Variants in GABRB2 observed in about 807,000 individuals in gnomAD.
GABRB2 encodes gamma-aminobutyric acid type A receptor subunit beta2.
A neutral mutation model predicts 54.7 loss-of-function variants in GABRB2; 16 were observed. The ratio of observed to expected loss-of-function variants is 0.29; its 90% confidence interval spans 0.20 to 0.44. The LOEUF (loss-of-function observed/expected upper bound fraction) is 0.44. GABRB2 is among the 20% of genes least tolerant of loss of function. GABRB2 has a pLI of 1.00. For synonymous variants in GABRB2, 244 were observed against 233.8 expected (o/e 1.04, Z -0.40); for missense variants, 355 against 644.0 (o/e 0.55, Z 4.86).
intron 4 of GABRB2, among the ~76,000 whole-genome samples, chr5:161,439,499 C>A (rs569469753): frequency 1.3e-5 from 2 of 152,168 alleles, no homozygotes; most frequent in African/African-American, 2.4e-5. Context: ...AAGAAAAACA[C>A]AGAATAGTAT....
chr5:161,413,725 A>T (rs1366259500), intron 4 of GABRB2, among the ~76,000 whole-genome samples: 3 of 152,250 alleles, frequency 2.0e-5, no homozygotes, highest in African/African-American at 7.2e-5. Flanking sequence ...CTGTCTTGAG[A>T]AACTAGAGAA....
chr5:161,537,620 T>C (rs1195352218), intron 3 of GABRB2, among the ~76,000 whole-genome samples: 1 of 152,216 alleles, frequency 6.6e-6, no homozygotes, highest in East Asian at 1.9e-4. Flanking sequence ...CTTCCTGAAA[T>C]TTTGCAGTAG....
chr5:161,489,009 C>T (rs1459983970), intron 3 of GABRB2, among the ~76,000 whole-genome samples: 2 of 151,574 alleles, frequency 1.3e-5, no homozygotes, highest in Admixed American at 6.6e-5. Context: ...GAGATGCTTT[C>T]GAAAGAAATG....
intron 4 of GABRB2, among the ~76,000 whole-genome samples, chr5:161,433,625 A>G (rs1757231331): frequency 6.6e-6 from 1 of 151,978 alleles, no homozygotes; most frequent in Non-Finnish European, 1.5e-5. Flanking sequence ...AATAAAAATA[A>G]AAATAAAAGA....
chr5:161,547,316 G>T (rs1385789395), upstream of GABRB2, among the ~76,000 whole-genome samples: 1 of 131,592 alleles, frequency 7.6e-6, no homozygotes. Flanking sequence ...TTGGATTTGG[G>T]GCGGGGGGTT....
At chr5:161,482,255 C>T (rs1192309208) in intron 3 of GABRB2, among the ~76,000 whole-genome samples, 1 of 152,028 alleles carries the variant, frequency 6.6e-6, no homozygotes, top group Non-Finnish European at 1.5e-5. Flanking sequence ...ACCTATGTGC[C>T]TTCTACAAAG....
chr5:161,325,871 AC>A (rs1758346387), intron 9 of GABRB2, among the ~76,000 whole-genome samples: 2 of 152,250 alleles, frequency 1.3e-5, no homozygotes, highest in South Asian at 4.1e-4. Context: ...CCAATACAAT[AC>A]CTATTTGTGA....
rs565921645 is a variant in GABRB2 at position 161,491,084 on chromosome 5, C to T, written c.238-31240G>A. ...CATTATAAAATTAAACTAATACTTA[C>T]CAAATATGCCCATGACAGCAAAATT... On this transcript the variant is annotated intron_variant, in intron 3 of 9. Coordinates refer to ENST00000393959, the MANE Select transcript of GABRB2 (RefSeq NM_001371727.1). Among the ~76,000 whole-genome samples the T allele has an allele frequency of 2.6e-5, 4 of 151,656 alleles. No individual in the cohort carries two copies. In the South Asian group the frequency reaches 8.3e-4, roughly 32 times the overall value.
At chr5:161,298,506 A>C (rs6556546) in intron 9 of GABRB2, among the ~76,000 whole-genome samples, 44,269 of 152,160 alleles carry the variant, frequency 0.29, 9,382 homozygotes, top group African/African-American at 0.57. Flanking sequence ...AATATTTATT[A>C]ATGGAATTAA....
chr5:161,342,142 T>C (rs1754187961), intron 5 of GABRB2, among the ~76,000 whole-genome samples: 1 of 151,636 alleles, frequency 6.6e-6, no homozygotes, highest in African/African-American at 2.4e-5. Flanking sequence ...TCATAACCAA[T>C]TGGCAATCAA....
At chr5:161,465,930 G>T (rs1758264020) in intron 3 of GABRB2, among the ~76,000 whole-genome samples, 1 of 152,018 alleles carries the variant, frequency 6.6e-6, no homozygotes, top group Non-Finnish European at 1.5e-5. Context: ...ATTAACTACA[G>T]ACCTTATTAC....
At chr5:161,419,611 T>C (rs1175610596) in intron 4 of GABRB2, among the ~76,000 whole-genome samples, 1 of 152,266 alleles carries the variant, frequency 6.6e-6, no homozygotes, top group African/African-American at 2.4e-5. Context: ...ATATACACTG[T>C]AGAATGCTAT....
At chr5:161,515,438 T>C (rs904534024) in intron 3 of GABRB2, among the ~76,000 whole-genome samples, 1 of 152,170 alleles carries the variant, frequency 6.6e-6, no homozygotes, top group African/African-American at 2.4e-5. Context: ...ACTGTAGCTA[T>C]GAGAAACTCA....
At chr5:161,486,405 A>G (rs1460824811) in intron 3 of GABRB2, among the ~76,000 whole-genome samples, 1 of 152,002 alleles carries the variant, frequency 6.6e-6, no homozygotes, top group Non-Finnish European at 1.5e-5. Flanking sequence ...CATCTTGCCC[A>G]TTGACTCTAA....
intron 4 of GABRB2, chr5:161,459,331 A>C (rs1758053408): frequency 2.6e-6 from 1 of 379,382 alleles, no homozygotes; most frequent in Non-Finnish European, 4.9e-6. Context: ...ATTTTAAAGA[A>C]ACCCTATGTC....
chr5:161,511,081 T>A (rs1222255997), intron 3 of GABRB2, among the ~76,000 whole-genome samples: 1 of 152,008 alleles, frequency 6.6e-6, no homozygotes, highest in Non-Finnish European at 1.5e-5. Flanking sequence ...TTGCCTATAA[T>A]AATTGAGAAA....
intron 3 of GABRB2, among the ~76,000 whole-genome samples, chr5:161,481,781 C>T (rs1758770981): frequency 6.6e-6 from 1 of 151,918 alleles, no homozygotes; most frequent in Non-Finnish European, 1.5e-5. Context: ...GGTTAATGTG[C>T]TTTCAGGGCT....
Position 161,540,642 on chromosome 5 carries a change from T to C in GABRB2, c.237+4585A>G, listed in dbSNP as rs899423664. Among the ~76,000 whole-genome samples the C allele has an allele frequency of 2.6e-5, 4 of 151,950 alleles. No individual in the cohort carries two copies. In the East Asian group the frequency reaches 7.7e-4, roughly 29 times the overall value. On this transcript the variant is annotated intron_variant, in intron 3 of 9. Transcript: ENST00000393959. ...CTATGGTAACTATAGCCTTACTAAT[T>C]GTACTTCTTAAATAAGACTTGAAAG...
At chr5:161,310,831 C>T (rs907074214) in intron 9 of GABRB2, among the ~76,000 whole-genome samples, 7 of 149,434 alleles carry the variant, frequency 4.7e-5, no homozygotes, top group African/African-American at 1.7e-4. Context: ...GGCGCAATCT[C>T]GGCTCACTGC....
Sources: allele counts gnomAD v4.1 joint callset (sites outside exome capture counted in the v4.1 genomes callset), GRCh38; gene constraint gnomAD v4.1.1; transcripts MANE v1.5; gene names NCBI Gene and HGNC (gene_info 2026-07-23, HGNC 2026-07-21).